Variants in FRMD5 observed in about 807,000 individuals in gnomAD.
The protein encoded by FRMD5 is FERM domain-containing protein 5.
Under a neutral mutation model 69.0 loss-of-function variants are expected in FRMD5, and 20 were observed. The observed-to-expected ratio is 0.29, with a 90% confidence interval of 0.20 to 0.42. FRMD5 has a LOEUF of 0.42. Ranked by LOEUF, FRMD5 falls within the 10% of genes least tolerant of loss-of-function variation. FRMD5 has a pLI of 1.00. For missense variants in FRMD5, 595 were observed against 708.6 expected (o/e 0.84, Z 1.82); for synonymous variants, 271 against 260.1 (o/e 1.04, Z -0.40).
intron 1 of FRMD5, among the ~76,000 whole-genome samples, chr15:44,017,095 T>G (rs1890996845): frequency 6.6e-6 from 1 of 151,742 alleles, no homozygotes; most frequent in Non-Finnish European, 1.5e-5. Flanking sequence ...TCCTAGCACT[T>G]TGGGAGGCTG....
intron 1 of FRMD5, among the ~76,000 whole-genome samples, chr15:43,997,926 T>C (rs1890013862): frequency 6.6e-6 from 1 of 152,174 alleles, no homozygotes; most frequent in Admixed American, 6.5e-5. Flanking sequence ...GTAGGCCTCT[T>C]AAAGGCCTCT....
In FRMD5 at chr15:43,902,151, C is replaced by A. The variant is rs777255244; in HGVS notation, c.639+24G>T. ...GCCTTCTAGAGGAGGAAAGGTCATG[C>A]AGTCTCCAACCAGGGGGTCTTACCT... On this transcript the variant is annotated intron_variant, in intron 7 of 13. Coordinates refer to ENST00000417257, the MANE Select transcript of FRMD5 (RefSeq NM_032892.5). 1.9e-6 allele frequency: 3 copies of A among 1,565,026 alleles called. No individual in the cohort carries two copies. In the Admixed American group the frequency reaches 5.0e-5, roughly 26 times the overall value.
intron 1 of FRMD5, among the ~76,000 whole-genome samples, chr15:44,140,299 C>T (rs1402885145): frequency 6.6e-6 from 1 of 151,610 alleles, no homozygotes; most frequent in East Asian, 1.9e-4. Context: ...GAGAAAATAA[C>T]GTACTAGAAA....
At chr15:43,976,484 C>A (rs1481047783) in intron 1 of FRMD5, among the ~76,000 whole-genome samples, 5 of 152,018 alleles carry the variant, frequency 3.3e-5, no homozygotes, top group East Asian at 1.9e-4. Flanking sequence ...AAGATTTGAA[C>A]AGACACTTTA....
chr15:44,046,956 C>T (rs1892453512), intron 1 of FRMD5, among the ~76,000 whole-genome samples: 2 of 152,058 alleles, frequency 1.3e-5, no homozygotes, highest in Admixed American at 6.6e-5. Context: ...TCTAGCATGC[C>T]AGTATCATCT....
chr15:44,160,273 T>G (rs1271983970), intron 1 of FRMD5, among the ~76,000 whole-genome samples: 1 of 152,196 alleles, frequency 6.6e-6, no homozygotes, highest in African/African-American at 2.4e-5. Flanking sequence ...GGAGAATCAC[T>G]TGAACCCGGG....
At chr15:43,879,534 G>A (rs1471076770) in intron 13 of FRMD5, 6 of 398,908 alleles carry the variant, frequency 1.5e-5, no homozygotes, top group Non-Finnish European at 2.7e-5. Context: ...TTGCCCGGGG[G>A]TCACAGCAGT....
At chr15:44,089,075 G>C (rs1452588451) in intron 1 of FRMD5, among the ~76,000 whole-genome samples, 1 of 152,140 alleles carries the variant, frequency 6.6e-6, no homozygotes, top group African/African-American at 2.4e-5. Context: ...CAGGTTTCAA[G>C]AGAAAATAAA....
In FRMD5 at chr15:43,874,043, G is replaced by A; in HGVS notation, c.1555C>T (p.Leu519=). Residue 519 remains leucine (L), a synonymous_variant, in exon 14 of 14, where the codon CTG becomes TTG. Coordinates refer to ENST00000417257, the MANE Select transcript of FRMD5 (RefSeq NM_032892.5). ...MGLLFVLLLL[L]IILTESDLDI... is the part of the protein sequence containing the mutation. The stretch of plus-strand genomic sequence containing the variant: ...AGGTCAGACTCGGTAAGGATGATCA[G>A]GAGGAGGAGCAAAACAAAGAGGAGT... 1 of 1,614,234 alleles carries A rather than the reference G, an allele frequency of 6.2e-7. No homozygotes were observed. Among genetic ancestry groups the A allele is most frequent in the African/African-American group, 1.3e-5 (1 of 75,058 alleles).
intron 1 of FRMD5, among the ~76,000 whole-genome samples, chr15:44,138,427 A>T (rs2077218817): frequency 6.6e-6 from 1 of 152,222 alleles, no homozygotes; most frequent in South Asian, 2.1e-4. Context: ...CCTACCAAAA[A>T]ACAACAATTA....
chr15:43,917,179 C>T (rs904901943), intron 4 of FRMD5, among the ~76,000 whole-genome samples: 1 of 152,200 alleles, frequency 6.6e-6, no homozygotes, highest in Admixed American at 6.5e-5. Flanking sequence ...GGTGCTCTCA[C>T]TGGCTGCTCC....
intron 1 of FRMD5, among the ~76,000 whole-genome samples, chr15:43,936,678 T>C (rs762799885): frequency 6.6e-6 from 1 of 151,392 alleles, no homozygotes; most frequent in Non-Finnish European, 1.5e-5. Context: ...AGCTTAACTC[T>C]AGACATTCAC....
At chr15:43,967,295 C>T (rs879286501) in intron 1 of FRMD5, among the ~76,000 whole-genome samples, 9 of 151,674 alleles carry the variant, frequency 5.9e-5, no homozygotes, top group East Asian at 1.9e-4. Flanking sequence ...TACAGTGGCA[C>T]GATCTCACCT....
chr15:43,962,289 T>G (rs2090215263), intron 1 of FRMD5, among the ~76,000 whole-genome samples: 1 of 152,108 alleles, frequency 6.6e-6, no homozygotes, highest in African/African-American at 2.4e-5. Context: ...AAATCATGAG[T>G]GAACTCCCAT....
At chr15:44,035,644 T>C (rs565310114) in intron 1 of FRMD5, among the ~76,000 whole-genome samples, 2 of 152,326 alleles carry the variant, frequency 1.3e-5, no homozygotes, top group Non-Finnish European at 2.9e-5. Context: ...AAAACAGAAG[T>C]AATAAAATTT....
chr15:43,981,878 C>A (rs577828032), intron 1 of FRMD5, among the ~76,000 whole-genome samples: 1 of 152,302 alleles, frequency 6.6e-6, no homozygotes, highest in Non-Finnish European at 1.5e-5. Context: ...TGTTTTAAAC[C>A]TTTAAACCTC....
At chr15:43,977,164 G>T (rs1595580214) in intron 1 of FRMD5, among the ~76,000 whole-genome samples, 1 of 152,082 alleles carries the variant, frequency 6.6e-6, no homozygotes, top group East Asian at 1.9e-4. Context: ...GGGAGGGGTT[G>T]GGGAAGTGCT....
At chr15:43,997,399 G>A (rs79911711) in intron 1 of FRMD5, among the ~76,000 whole-genome samples, 57 of 152,268 alleles carry the variant, frequency 3.7e-4, no homozygotes, top group African/African-American at 1.3e-3. Flanking sequence ...AACGGATCAA[G>A]CTCAAAAGAA....
chr15:43,997,382 G>A (rs571896817), intron 1 of FRMD5, among the ~76,000 whole-genome samples: 2 of 152,226 alleles, frequency 1.3e-5, no homozygotes, highest in African/African-American at 4.8e-5. Context: ...TGACTCTAGG[G>A]AACAAAAACG....
Sources: allele counts gnomAD v4.1 joint callset (sites outside exome capture counted in the v4.1 genomes callset), GRCh38; gene constraint gnomAD v4.1.1; transcripts MANE v1.5; gene names NCBI Gene and HGNC (gene_info 2026-07-23, HGNC 2026-07-21).